The following OR4N2 variants were observed in gnomAD, a reference collection of about 807,000 sequenced individuals.
OR4N2 encodes the protein olfactory receptor 4N2.
For missense variants in OR4N2, 307 were observed against 377.6 expected (o/e 0.81, Z 1.55); for synonymous variants, 141 against 140.4 (o/e 1.00, Z -0.03).
In OR4N2 at chr14:19,825,915, C is replaced by T. The variant is rs1194823788; in HGVS notation, c.-9-1525C>T. ...TTAGTTAAATCATATTAAGAATATC[C>T]TTTTATATTACAGTTTGTATTTTGT... is the stretch of plus-strand genomic sequence containing the variant. On this transcript the variant is annotated intron_variant, in intron 1 of 1. Transcript: ENST00000557677. Among the ~76,000 whole-genome samples the T allele has an allele frequency of 4.6e-5, 7 of 152,274 alleles. No individual in the cohort carries two copies. In the East Asian group the frequency reaches 1.4e-3, roughly 29 times the overall value.
chr14:19,814,671 A>G (rs1375637652), intron 1 of OR4N2, among the ~76,000 whole-genome samples: 3 of 152,348 alleles, frequency 2.0e-5, no homozygotes, highest in African/African-American at 7.2e-5. Flanking sequence ...ATATTGGTGA[A>G]GTCTTTTTTA....
intron 1 of OR4N2, among the ~76,000 whole-genome samples, chr14:19,813,829 C>T (rs1370967114): frequency 5.9e-5 from 8 of 136,288 alleles, no homozygotes; most frequent in Non-Finnish European, 1.3e-4. Flanking sequence ...TAGTATCTCT[C>T]TGTTTCTTCA....
chr14:19,810,179 C>T (rs913681101), intron 1 of OR4N2, among the ~76,000 whole-genome samples: 1 of 152,144 alleles, frequency 6.6e-6, no homozygotes, highest in Non-Finnish European at 1.5e-5. Flanking sequence ...AAAAATTGGG[C>T]AAAGGACATG....
In OR4N2 at chr14:19,827,430, T is replaced by C. The variant is rs1205078651; in HGVS notation, c.-9-10T>C. 1.3e-6 allele frequency: 2 copies of C among 1,552,880 alleles called. No homozygotes were observed. The highest frequency in any genetic ancestry group is 2.5e-5 in the South Asian group (2 of 80,500). On this transcript the variant is annotated splice_polypyrimidine_tract_variant and intron_variant, in intron 1 of 1. Coordinates refer to ENST00000557677, the MANE Select transcript of OR4N2 (RefSeq NM_001004723.3). ...AATAACAATTAATTCTGCTTCTTAA[T>C]GTACTGCAGGCCAGGGAAATGGAAA...
At position 19,808,516 on chromosome 14, in the gene OR4N2, A is replaced by G. The variant is rs191994257; in HGVS notation, c.-10+4672A>G. On this transcript the variant is annotated intron_variant, in intron 1 of 1. Coordinates refer to ENST00000557677, the MANE Select transcript of OR4N2 (RefSeq NM_001004723.3). ...AAGAAAATTAAATCCCTTGGAATAC[A>G]GTTAACCAGAAAACTCTACAAAATT... Among the ~76,000 whole-genome samples the G allele has an allele frequency of 5.3e-4, 81 of 152,238 alleles. No homozygotes were observed. In the East Asian group the frequency reaches 0.013, roughly 25 times the overall value.
rs1879768247 is a variant in OR4N2, at chr14:19,828,103, GCAGT to G, written c.658_661del (p.Val220PhefsTer57). The G allele has an allele frequency of 6.2e-7, 1 of 1,614,126 alleles. No individual in the cohort carries two copies. The highest frequency in any genetic ancestry group is 1.3e-5 in the African/African-American group (1 of 74,936). On this transcript the variant is annotated frameshift_variant, in exon 2 of 2. Coordinates refer to ENST00000557677, the MANE Select transcript of OR4N2 (RefSeq NM_001004723.3). LOFTEE classifies it low-confidence loss of function (END_TRUNC). ...CTTTCTGGGGCTTCTGGCCTCCTAT[GCAGT>G]CATTCTTTGTCGCATACGAGGGTCT...
At chr14:19,815,121 G>T (rs1167045995) in intron 1 of OR4N2, among the ~76,000 whole-genome samples, 1 of 152,222 alleles carries the variant, frequency 6.6e-6, no homozygotes, top group East Asian at 1.9e-4. Flanking sequence ...GAACAGTGCC[G>T]CAGTAAACAT....
In OR4N2 at chr14:19,821,221, G is replaced by A. The variant is rs549838722; in HGVS notation, c.-9-6219G>A. Among the ~76,000 whole-genome samples the A allele has an allele frequency of 2.0e-5, 3 of 152,352 alleles. No individual in the cohort carries two copies. In the East Asian group the frequency reaches 5.8e-4, roughly 29 times the overall value. ...CCTTCCACTTCCCCGGTGATGTGAT[G>A]CCCCACCCTGCTTTGGCTTACCCTC... On this transcript the variant is annotated intron_variant, in intron 1 of 1. Coordinates refer to ENST00000557677, the MANE Select transcript of OR4N2 (RefSeq NM_001004723.3).
chr14:19,807,303 C>T (rs1288485122), intron 1 of OR4N2, among the ~76,000 whole-genome samples: 1 of 151,632 alleles, frequency 6.6e-6, no homozygotes, highest in Non-Finnish European at 1.5e-5. Flanking sequence ...ATTGGTCCTT[C>T]AAAATAAAAA....
At chr14:19,818,326 G>A (rs1879479170) in intron 1 of OR4N2, among the ~76,000 whole-genome samples, 2 of 152,178 alleles carry the variant, frequency 1.3e-5, no homozygotes, top group African/African-American at 4.8e-5. Context: ...AAGTCTCTTT[G>A]TATGTCTCTA....
intron 1 of OR4N2, among the ~76,000 whole-genome samples, chr14:19,819,173 T>A (rs765951979): frequency 6.6e-6 from 1 of 152,358 alleles, no homozygotes; most frequent in Non-Finnish European, 1.5e-5. Flanking sequence ...TTGGGGTTGC[T>A]CTTCTCGGGG....
intron 1 of OR4N2, among the ~76,000 whole-genome samples, chr14:19,804,093 G>C (rs1310458678): frequency 6.6e-6 from 1 of 151,928 alleles, no homozygotes; most frequent in Non-Finnish European, 1.5e-5. Context: ...TCTCTTTTTT[G>C]CTTTATTAGT....
At chr14:19,807,297 G>C (rs1247746740) in intron 1 of OR4N2, among the ~76,000 whole-genome samples, 1 of 151,850 alleles carries the variant, frequency 6.6e-6, no homozygotes, top group Non-Finnish European at 1.5e-5. Context: ...CCAATAATTG[G>C]TCCTTCAAAA....
At chr14:19,808,758 C>A (rs1204678368) in intron 1 of OR4N2, among the ~76,000 whole-genome samples, 3 of 151,586 alleles carry the variant, frequency 2.0e-5, no homozygotes, top group African/African-American at 7.3e-5. Context: ...CCTGAATAGT[C>A]AAAACAATCC....
chr14:19,826,465 TA>T (rs1345290847), intron 1 of OR4N2, among the ~76,000 whole-genome samples: 1 of 152,238 alleles, frequency 6.6e-6, no homozygotes, highest in Non-Finnish European at 1.5e-5. Flanking sequence ...GAGCAAAAAA[TA>T]AAACTCACTC....
At chr14:19,819,872 T>G (rs1879520158) in intron 1 of OR4N2, among the ~76,000 whole-genome samples, 1 of 152,266 alleles carries the variant, frequency 6.6e-6, no homozygotes, top group Non-Finnish European at 1.5e-5. Context: ...GGTTTTTGGG[T>G]GGACATCCTT....
chr14:19,829,757 G>T lies in OR4N2; in HGVS notation c.*1385G>T, dbSNP rs562504259. 1.5e-4 allele frequency: 23 copies of T among 152,342 alleles called. No homozygotes were observed. The highest frequency in any genetic ancestry group is 5.1e-4 in the African/African-American group (21 of 41,566). 9.4% of individuals were successfully genotyped at this position (152,342 alleles called of 1,614,324 possible). On this transcript the variant is annotated 3_prime_UTR_variant, in exon 2 of 2. Transcript: ENST00000557677. ...CATCTGGAACCCCAAATGCAAGGGG[G>T]TCAAAAATTGAGTTTTAAAATATTT... is the stretch of plus-strand genomic sequence containing the variant.
chr14:19,814,714 TA>T (rs1879382960), intron 1 of OR4N2, among the ~76,000 whole-genome samples: 1 of 152,240 alleles, frequency 6.6e-6, no homozygotes, highest in African/African-American at 2.4e-5. Flanking sequence ...GATACATGTG[TA>T]GAATATGCAG....
chr14:19,820,986 A>C (rs1465221193), intron 1 of OR4N2, among the ~76,000 whole-genome samples: 1 of 151,938 alleles, frequency 6.6e-6, no homozygotes, highest in Admixed American at 6.5e-5. Context: ...ATGAAAAAAA[A>C]CTCCTGCATC....
Sources: gnomAD v4.1 joint callset for allele counts (sites outside exome capture counted in the v4.1 genomes callset) on GRCh38, gnomAD v4.1.1 for gene constraint, MANE v1.5 for transcripts, NCBI Gene and HGNC (gene_info 2026-07-23, HGNC 2026-07-21) for gene names.